Variants in PEAK1 observed in about 807,000 individuals in gnomAD.
PEAK1 encodes inactive tyrosine-protein kinase PEAK1.
A neutral mutation model predicts 124.7 loss-of-function variants in PEAK1; 54 were observed. The observed-to-expected ratio is 0.43, with a 90% CI of 0.35 to 0.54. The LOEUF (loss-of-function observed/expected upper bound fraction) is 0.54, where lower values mean the gene tolerates loss of function less well. PEAK1 is among the 20% of genes least tolerant of loss of function. The pLI, the probability that PEAK1 is intolerant of heterozygous loss-of-function variation, is 0.01. For missense variants in PEAK1, 2,046 were observed against 2,134.5 expected (o/e 0.96, Z 0.82); for synonymous variants, 719 against 760.0 (o/e 0.95, Z 0.89).
chr15:77,384,315 C>A (rs1045753233), intron 1 of PEAK1, among the ~76,000 whole-genome samples: 3 of 152,142 alleles, frequency 2.0e-5, no homozygotes, highest in Non-Finnish European at 2.9e-5. Flanking sequence ...CATTTTCCTT[C>A]CAAATGCAAT....
chr15:77,359,736 G>T (rs1597432116), intron 2 of PEAK1, among the ~76,000 whole-genome samples: 2 of 151,928 alleles, frequency 1.3e-5, no homozygotes, highest in Admixed American at 1.3e-4. Flanking sequence ...TTTAACAAAA[G>T]AATTATAAGA....
intron 2 of PEAK1, among the ~76,000 whole-genome samples, chr15:77,356,683 G>A (rs977450542): frequency 5.4e-4 from 82 of 151,936 alleles, no homozygotes; most frequent in African/African-American, 1.8e-3. Flanking sequence ...TTGTCTTTAC[G>A]TTTCAACAAT....
chr15:77,128,664 C>T (rs1812746654), intron 9 of PEAK1, among the ~76,000 whole-genome samples: 1 of 152,230 alleles, frequency 6.6e-6, no homozygotes, highest in African/African-American at 2.4e-5. Context: ...TCACTCCTTT[C>T]TTCCTTCTGA....
At chr15:77,379,959 T>C (rs1214415707) in intron 1 of PEAK1, among the ~76,000 whole-genome samples, 1 of 152,178 alleles carries the variant, frequency 6.6e-6, no homozygotes, top group East Asian at 1.9e-4. Flanking sequence ...AGTACTAAAA[T>C]CCAGACTTTT....
chr15:77,395,911 G>A (rs1047923748), intron 1 of PEAK1, among the ~76,000 whole-genome samples: 3 of 152,100 alleles, frequency 2.0e-5, no homozygotes, highest in Non-Finnish European at 4.4e-5. Context: ...ATATAGAAAA[G>A]CACATAATAT....
At chr15:77,190,115 T>C (rs1036872194) in intron 6 of PEAK1, among the ~76,000 whole-genome samples, 1 of 152,192 alleles carries the variant, frequency 6.6e-6, no homozygotes, top group Non-Finnish European at 1.5e-5. Flanking sequence ...TGTTACTTTA[T>C]GTTTGGCAGG....
chr15:77,114,813 C>A lies in PEAK1; in HGVS notation c.4584G>T (p.Gln1528His), dbSNP rs1439430975. Residue 1528 changes from glutamine (Q) to histidine (H), a missense_variant, in exon 10 of 10, where the codon CAG becomes CAT. Physicochemically the swap from Gln to His is conservative, Grantham distance 24. Transcript: ENST00000682557. The stretch of plus-strand genomic sequence containing the variant: ...CAAAGCCTTGGGCAGTCCCCCCAGG[C>A]TGGTAGTGGACAAGTAGCAGGTTCT... ...RLENLLLVHY[Q>H]PGGTAQGFGP... 1.2e-6 allele frequency: 2 copies of A among 1,613,332 alleles called. No homozygotes were observed. The highest frequency in any genetic ancestry group is 2.7e-5 in the African/African-American group (2 of 74,954).
chr15:77,177,485 A>G (rs1390660897), intron 7 of PEAK1, among the ~76,000 whole-genome samples: 2 of 150,304 alleles, frequency 1.3e-5, no homozygotes, highest in Non-Finnish European at 3.0e-5. Flanking sequence ...AAAACTTCCT[A>G]GCATTTTGCT....
intron 2 of PEAK1, among the ~76,000 whole-genome samples, chr15:77,298,946 C>G (rs2063651272): frequency 6.6e-6 from 1 of 152,264 alleles, no homozygotes; most frequent in South Asian, 2.1e-4. Flanking sequence ...TACCATATAC[C>G]CTCTTGTGGG....
chr15:77,412,693 T>C (rs2072511596), intron 1 of PEAK1, among the ~76,000 whole-genome samples: 1 of 152,088 alleles, frequency 6.6e-6, no homozygotes, highest in Non-Finnish European at 1.5e-5. Flanking sequence ...ATGAGCACAC[T>C]TAGCATCCAG....
intron 2 of PEAK1, among the ~76,000 whole-genome samples, chr15:77,328,726 C>G (rs1223606303): frequency 6.6e-6 from 1 of 152,066 alleles, no homozygotes; most frequent in African/African-American, 2.4e-5. Context: ...GTGCCACACA[C>G]AATTCACAGA....
chr15:77,313,726 G>GTGTGTATATATATATA (rs1462211130), intron 2 of PEAK1, among the ~76,000 whole-genome samples: 3 of 108,596 alleles, frequency 2.8e-5, no homozygotes, highest in South Asian at 2.9e-4. Flanking sequence ...GTGTGTGTGT[G>GTGTGTATATATATATA]TATATATATA....
chr15:77,131,545 G>C lies in PEAK1; in HGVS notation c.4077+1460C>G, dbSNP rs543508503. Among the ~76,000 whole-genome samples the C allele has an allele frequency of 7.9e-5, 12 of 152,274 alleles. No homozygotes were observed. In the South Asian group the frequency reaches 2.5e-3, roughly 32 times the overall value. On this transcript the variant is annotated intron_variant, in intron 9 of 9. Transcript: ENST00000682557. ...AAAAACTCAGCTCTACCACTTGCTA[G>C]CTGTGTGATCCTAACCAAGTCAGCC...
Position 77,180,838 on chromosome 15 carries a change from C to A in PEAK1, c.1089G>T (p.Lys363Asn), listed in dbSNP as rs745506244. ...RSETASSLSQ[K>N]ICNGGLSPGN... ...CAGGAGATAATCCCCCATTACAAAT[C>A]TTCTGGGATAAACTACTGGCTGTCT... Residue 363 changes from lysine to asparagine, a missense_variant, in exon 7 of 10, where the codon AAG becomes AAT. Coordinates refer to ENST00000682557, the MANE Select transcript of PEAK1 (RefSeq NM_001385026.1). The A allele has an allele frequency of 1.7e-5, 27 of 1,613,718 alleles. No homozygotes were observed. The African/African-American group carries it at 3.5e-4, about 21-fold the overall frequency.
At position 77,352,377 on chromosome 15, in the gene PEAK1, G is replaced by A. The variant is rs1288352868; in HGVS notation, c.-603+12786C>T. 4.1e-6 allele frequency: 4 copies of A among 985,088 alleles called. No individual in the cohort carries two copies. The African/African-American group carries it at 5.2e-5, about 13-fold the overall frequency. The allele number at this position is 985,088 out of a possible 1,614,324, so 61.0% of individuals were successfully genotyped here. A position where few individuals can be genotyped will look rare whatever the true frequency, so the allele number is the denominator to read the frequency against. ...TATCTACCTGAAACCCCAGAACTCTGCTCAAATGGCCCTGAGTCCACTTCC... is the reference window on the plus strand; with the variant it reads ...TATCTACCTGAAACCCCAGAACTCTACTCAAATGGCCCTGAGTCCACTTCC... On this transcript the variant is annotated intron_variant, in intron 2 of 9. Coordinates refer to ENST00000682557, the MANE Select transcript of PEAK1 (RefSeq NM_001385026.1).
At chr15:77,161,783 T>C (rs1274432133) in intron 7 of PEAK1, among the ~76,000 whole-genome samples, 2 of 151,708 alleles carry the variant, frequency 1.3e-5, no homozygotes, top group African/African-American at 4.8e-5. Flanking sequence ...CTGGCCAAGA[T>C]GGTGAAACCC....
intron 2 of PEAK1, among the ~76,000 whole-genome samples, chr15:77,340,462 G>A (rs988701999): frequency 2.0e-5 from 3 of 152,250 alleles, no homozygotes; most frequent in Non-Finnish European, 2.9e-5. Context: ...GTTCAGCGGC[G>A]AGGAAGGAGG....
rs375154908 is a variant in PEAK1, at chr15:77,205,268, C to CT, written c.-114-23229dup. 3.8e-3 allele frequency among the ~76,000 whole-genome samples: 483 copies of CT among 126,490 alleles called. 4 individuals carry two copies. Among genetic ancestry groups the CT allele is most frequent in the African/African-American group, 0.011 (395 of 36,244 alleles). 83.0% of individuals were successfully genotyped at this position (126,490 alleles called of 152,430 possible). The stretch of plus-strand genomic sequence containing the variant: ...CCATTTTTTTTTTAAGATCAAATGC[C>CT]TTTTTTTAAAAAAAAAAAAAAAGAA... On this transcript the variant is annotated intron_variant, in intron 6 of 9. Transcript: ENST00000682557.
chr15:77,291,860 C>A (rs746195286), intron 2 of PEAK1, among the ~76,000 whole-genome samples: 9 of 151,718 alleles, frequency 5.9e-5, no homozygotes, highest in Non-Finnish European at 8.8e-5. Flanking sequence ...GCCTGTAGTC[C>A]CCGCTACTCA....
Sources: gnomAD v4.1 joint callset for allele counts (sites outside exome capture counted in the v4.1 genomes callset) on GRCh38, gnomAD v4.1.1 for gene constraint, MANE v1.5 for transcripts, NCBI Gene and HGNC (gene_info 2026-07-23, HGNC 2026-07-21) for gene names.